The following GLCE variants were observed in gnomAD, a reference collection of about 807,000 sequenced individuals.
GLCE encodes glucuronic acid epimerase, also known as D-glucuronyl C5-epimerase.
In GLCE, 19 loss-of-function variants were observed where a neutral mutation model predicts 47.9. That is an observed-to-expected ratio of 0.40 (90% CI 0.28 to 0.58). GLCE has a LOEUF of 0.58. Among genes scored for constraint, GLCE ranks in the 20% least tolerant of loss-of-function variants. The pLI, the probability that GLCE is intolerant of heterozygous loss-of-function variation, is 0.48. For missense variants in GLCE, 556 were observed against 743.3 expected, an observed-to-expected ratio of 0.75 and a Z score of 2.93; for synonymous variants, 245 against 263.4, an observed-to-expected ratio of 0.93 and a Z score of 0.68.
chr15:69,201,686 GA>G (rs1352236826), intron 1 of GLCE, among the ~76,000 whole-genome samples: 1 of 149,654 alleles, frequency 6.7e-6, no homozygotes, highest in Non-Finnish European at 1.5e-5. Context: ...CATTGAGTTA[GA>G]AACCTCATTT....
chr15:69,269,377 C>G lies in GLCE; in HGVS notation c.*133C>G. ...GGATTCTATCAAAGTGATAAGTGAT[C>G]CTTAAAACCAGCCTTCTAAAATAAT... On this transcript the variant is annotated 3_prime_UTR_variant, in exon 5 of 5. Coordinates refer to ENST00000261858, the MANE Select transcript of GLCE (RefSeq NM_015554.3). 1.4e-6 allele frequency: 1 copy of G among 695,346 alleles called. No homozygotes were observed. The allele number at this position is 695,346 out of a possible 1,614,324, so 43.1% of individuals were successfully genotyped here.
intron 1 of GLCE, among the ~76,000 whole-genome samples, chr15:69,185,562 G>A (rs1349908889): frequency 6.6e-6 from 1 of 151,878 alleles, no homozygotes; most frequent in Non-Finnish European, 1.5e-5. Context: ...TTGCTTCTCT[G>A]TAAGCCTGGA....
At chr15:69,185,512 G>T (rs2051809895) in intron 1 of GLCE, among the ~76,000 whole-genome samples, 1 of 152,030 alleles carries the variant, frequency 6.6e-6, no homozygotes, top group African/African-American at 2.4e-5. Context: ...TTCCAGATCT[G>T]TGTGATCATG....
chr15:69,245,537 C>T (rs183589450), intron 2 of GLCE, among the ~76,000 whole-genome samples: 54 of 152,094 alleles, frequency 3.6e-4, no homozygotes, highest in African/African-American at 1.2e-3. Context: ...AATAAGACAA[C>T]GATGAAGTTT....
At chr15:69,225,615 A>G (rs28494815) in intron 2 of GLCE, among the ~76,000 whole-genome samples, 111,029 of 151,956 alleles carry the variant, frequency 0.73, 40,901 homozygotes, top group Admixed American at 0.79. Context: ...AACTTCCTGT[A>G]AATTATGTGT....
At chr15:69,228,742 A>C (rs530800955) in intron 2 of GLCE, among the ~76,000 whole-genome samples, 1 of 152,234 alleles carries the variant, frequency 6.6e-6, no homozygotes, top group African/African-American at 2.4e-5. Context: ...CCCTGGCTGG[A>C]GTGGCACGAT....
chr15:69,237,177 A>G (rs1319712512), intron 2 of GLCE, among the ~76,000 whole-genome samples: 1 of 152,236 alleles, frequency 6.6e-6, no homozygotes, highest in East Asian at 1.9e-4. Context: ...GATTATCCTT[A>G]CATGTTTCCA....
intron 1 of GLCE, among the ~76,000 whole-genome samples, chr15:69,186,409 A>G (rs1167701335): frequency 6.6e-6 from 1 of 152,208 alleles, no homozygotes; most frequent in Non-Finnish European, 1.5e-5. Flanking sequence ...ATGAAAACCA[A>G]TGTATATGTA....
At chr15:69,223,999 G>A (rs977865936) in intron 2 of GLCE, among the ~76,000 whole-genome samples, 3 of 151,948 alleles carry the variant, frequency 2.0e-5, no homozygotes, top group African/African-American at 7.3e-5. Flanking sequence ...TTAGTTCTTT[G>A]CACATCTTTA....
At chr15:69,198,956 A>G (rs1278149106) in intron 1 of GLCE, among the ~76,000 whole-genome samples, 2 of 152,136 alleles carry the variant, frequency 1.3e-5, no homozygotes, top group Non-Finnish European at 2.9e-5. Flanking sequence ...GCAGGGACGT[A>G]TTAGAAGTCC....
At chr15:69,207,429 A>C (rs571567498) in intron 1 of GLCE, among the ~76,000 whole-genome samples, 2 of 150,798 alleles carry the variant, frequency 1.3e-5, no homozygotes, top group East Asian at 3.9e-4. Flanking sequence ...CCATACCCCA[A>C]CTCCTCTCCT....
chr15:69,218,111 C>CATT (rs962890172), intron 2 of GLCE, among the ~76,000 whole-genome samples: 2 of 139,148 alleles, frequency 1.4e-5, no homozygotes, highest in African/African-American at 5.5e-5. Context: ...CTGATTGTGC[C>CATT]ATTGCACTCC....
At chr15:69,205,980 G>A (rs12912145) in intron 1 of GLCE, among the ~76,000 whole-genome samples, 151,421 of 152,178 alleles carry the variant, frequency 1, 75,341 homozygotes, top group East Asian at 1. Flanking sequence ...ACCAACAGGT[G>A]CCTTACTACC....
intron 1 of GLCE, among the ~76,000 whole-genome samples, chr15:69,183,309 A>ACT (rs1413937562): frequency 2.0e-5 from 3 of 152,240 alleles, no homozygotes; most frequent in African/African-American, 7.2e-5. Flanking sequence ...AAGAACGGCT[A>ACT]CAGTCTGATG....
At chr15:69,201,099 A>G (rs1397431865) in intron 1 of GLCE, among the ~76,000 whole-genome samples, 1 of 152,076 alleles carries the variant, frequency 6.6e-6, no homozygotes, top group African/African-American at 2.4e-5. Flanking sequence ...TCTCTGATCC[A>G]CCTTCTGTCT....
At chr15:69,220,720 A>G (rs1299597398) in intron 2 of GLCE, among the ~76,000 whole-genome samples, 1 of 152,170 alleles carries the variant, frequency 6.6e-6, no homozygotes. Flanking sequence ...ATTAGCTCCT[A>G]TTCTGTGAGT....
At chr15:69,239,886 A>G (rs1475754905) in intron 2 of GLCE, among the ~76,000 whole-genome samples, 1 of 152,230 alleles carries the variant, frequency 6.6e-6, no homozygotes, top group Non-Finnish European at 1.5e-5. Flanking sequence ...CTTTATAGAA[A>G]TATTTTAACT....
intron 2 of GLCE, among the ~76,000 whole-genome samples, chr15:69,225,755 G>C (rs533008912): frequency 6.6e-6 from 1 of 152,020 alleles, no homozygotes; most frequent in Non-Finnish European, 1.5e-5. Context: ...AACAATTTAT[G>C]TACATTAACT....
intron 4 of GLCE, among the ~76,000 whole-genome samples, chr15:69,264,338 T>C (rs2053055718): frequency 6.6e-6 from 1 of 152,158 alleles, no homozygotes. Flanking sequence ...TTCTTTGTTA[T>C]GGCTAATATT....
Sources: gnomAD v4.1 joint callset for allele counts (sites outside exome capture counted in the v4.1 genomes callset) on GRCh38, gnomAD v4.1.1 for gene constraint, MANE v1.5 for transcripts, NCBI Gene and HGNC (gene_info 2026-07-23, HGNC 2026-07-21) for gene names.